CRY2: variants seen among roughly 807,000 people sequenced by gnomAD.
The protein encoded by CRY2 is cryptochrome-2.
Under a neutral mutation model 69.5 loss-of-function variants are expected in CRY2, and 31 were observed. The ratio of observed to expected loss-of-function variants is 0.45; its 90% CI spans 0.34 to 0.60. CRY2 has a LOEUF of 0.60. Ranked by LOEUF, CRY2 falls within the 20% of genes least tolerant of loss-of-function variation. The pLI is 0.02. For synonymous variants in CRY2, 303 were observed against 312.2 expected, an observed-to-expected ratio of 0.97 and a Z score of 0.31; for missense variants, 606 against 797.8, an observed-to-expected ratio of 0.76 and a Z score of 2.90.
chr11:45,849,929 C>G (rs1344311119), intron 1 of CRY2, among the ~76,000 whole-genome samples: 1 of 152,084 alleles, frequency 6.6e-6, no homozygotes, highest in African/African-American at 2.4e-5. Context: ...CAGCCCCTTT[C>G]TCCCAGTTCT....
Position 45,850,530 on chromosome 11 carries a change from A to G in CRY2, c.215+2825A>G, listed in dbSNP as rs116430651. Among the ~76,000 whole-genome samples the G allele has an allele frequency of 5.9e-3, 894 of 152,036 alleles. 13 individuals carry two copies. The highest frequency in any genetic ancestry group is 0.021 in the African/African-American group (869 of 41,434). On this transcript the variant is annotated intron_variant, in intron 1 of 11. Transcript: ENST00000616080. ...AAACAGACACACTCCTACCACCTCC[A>G]CCATTCTGCTTGCTTCCTGGATCAG...
upstream of CRY2, chr11:45,847,286 G>A (rs1291311125): frequency 6.6e-7 from 1 of 1,512,306 alleles, no homozygotes; most frequent in Non-Finnish European, 8.9e-7. Flanking sequence ...CACATGGTAG[G>A]AACGTGAGGG....
chr11:45,871,775 C>G (rs908681299), intron 10 of CRY2, among the ~76,000 whole-genome samples: 1 of 152,214 alleles, frequency 6.6e-6, no homozygotes, highest in Non-Finnish European at 1.5e-5. Context: ...GAGGCTGATT[C>G]AGGGTTGCAG....
chr11:45,853,924 A>G (rs970228366), intron 1 of CRY2, among the ~76,000 whole-genome samples: 1 of 152,250 alleles, frequency 6.6e-6, no homozygotes, highest in African/African-American at 2.4e-5. Context: ...CTTCCATCCC[A>G]ACCTCTCAGA....
intron 6 of CRY2, 67 bp downstream of exon 6, chr11:45,867,819 C>T (rs1263773006): frequency 6.2e-7 from 1 of 1,603,470 alleles, no homozygotes; most frequent in South Asian, 1.1e-5. Flanking sequence ...GCTTGTCAGT[C>T]ACCCTAAAAA....
At position 45,880,963 on chromosome 11, in the gene CRY2, C is replaced by G. The variant is rs897655647; in HGVS notation, c.*52C>G. 6.6e-6 allele frequency: 1 copy of G among 152,366 alleles called. No homozygotes were observed. Among genetic ancestry groups the G allele is most frequent in the Non-Finnish European group, 1.5e-5 (1 of 68,150 alleles). 9.4% of individuals were successfully genotyped at this position (152,366 alleles called of 1,614,324 possible). On this transcript the variant is annotated 3_prime_UTR_variant, in exon 12 of 12. Coordinates refer to ENST00000616080, the MANE Select transcript of CRY2 (RefSeq NM_021117.5). ...AAAGCCTGGGTGCCCAAGCAGCCAC[C>G]GCAGCAGCAGAGTACAACCTGCAGA...
rs1181298363 is a variant in CRY2 at position 45,867,683 on chromosome 11, C to T, written c.813C>T (p.Ser271=). 1 of 1,614,206 alleles carries T rather than the reference C, an allele frequency of 6.2e-7. No individual in the cohort carries two copies. Residue 271 remains serine, a synonymous_variant, in exon 6 of 12, where the codon AGC becomes AGT. Coordinates refer to ENST00000616080, the MANE Select transcript of CRY2 (RefSeq NM_021117.5). The stretch of plus-strand genomic sequence containing the variant: ...TCCTGGCCAGCCCCACAGGCCTCAG[C>T]CCCTACCTGCGCTTTGGTTGTCTCT... The part of the protein sequence containing the change: ...NSLLASPTGL[S]PYLRFGCLSC...
In CRY2 at chr11:45,867,835, C is replaced by T. The variant is rs2086343758; in HGVS notation, c.882+83C>T. On this transcript the variant is annotated intron_variant, in intron 6 of 11. Coordinates refer to ENST00000616080, the MANE Select transcript of CRY2 (RefSeq NM_021117.5). ...CTTGTCAGTCACCCTAAAAAAGGCA[C>T]TGGTGGGTGGGGGTTGGGCTATGGC... 3.8e-6 allele frequency: 6 copies of T among 1,582,504 alleles called. No individual in the cohort carries two copies. In the South Asian group the frequency reaches 5.6e-5, roughly 15 times the overall value.
intron 3 of CRY2, among the ~76,000 whole-genome samples, chr11:45,860,221 T>A (rs913766660): frequency 6.6e-6 from 1 of 152,120 alleles, no homozygotes; most frequent in Admixed American, 6.5e-5. Flanking sequence ...ACTACAAGAC[T>A]CTCTTTAAGT....
rs2086282360 is a variant in CRY2 at position 45,860,898 on chromosome 11, A to T, written c.518A>T (p.Gln173Leu). ...CCACCCCTTACATACAAGCGCTTTC[A>T]GGCCATCATCAGCCGCATGGAGCTG... is the stretch of plus-strand genomic sequence containing the variant. ...QKPPLTYKRF[Q>L]AIISRMELPK... is the part of the protein sequence containing the mutation. The change falls in exon 4 of 12, where the codon CAG becomes CTG. Residue 173 changes from glutamine to leucine, a missense_variant. Gln to Leu is a moderately radical substitution (Grantham distance 113). Coordinates refer to ENST00000616080, the MANE Select transcript of CRY2 (RefSeq NM_021117.5). 1 of 1,614,166 alleles carries T rather than the reference A, an allele frequency of 6.2e-7. No homozygotes were observed. The highest frequency in any genetic ancestry group is 2.2e-5 in the East Asian group (1 of 44,878).
rs2086388670 is a variant in CRY2 at position 45,872,158 on chromosome 11, CTGG to C, written c.1712_1714del (p.Gly571del). On this transcript the variant is annotated inframe_deletion, in exon 11 of 12. Coordinates refer to ENST00000616080, the MANE Select transcript of CRY2 (RefSeq NM_021117.5). ...AAGCTGGAAGCAGCCGAGGAACCAC[CTGG>C]TGAAGAACTCAGCAAACGGGCCCGG... The C allele has an allele frequency of 6.2e-7, 1 of 1,614,090 alleles. No homozygotes were observed. Among genetic ancestry groups the C allele is most frequent in the African/African-American group, 1.3e-5 (1 of 74,930 alleles).
chr11:45,847,613 G>A lies in CRY2; in HGVS notation c.123G>A (p.Leu41=), dbSNP rs753955919. 6 of 1,605,308 alleles carry A rather than the reference G, an allele frequency of 3.7e-6. No individual in the cohort carries two copies. In the East Asian group the frequency reaches 1.3e-4, roughly 36 times the overall value. The part of the protein sequence containing the change: ...GLRLHDNPAL[L]AAVRGARCVR... ...GACTCCACGACAACCCGGCGTTGCTGGCGGCCGTGCGCGGGGCGCGCTGCG... is the reference window on the plus strand; with the variant it reads ...GACTCCACGACAACCCGGCGTTGCTAGCGGCCGTGCGCGGGGCGCGCTGCG... Residue 41 remains leucine (L), a synonymous_variant, in exon 1 of 12, where the codon CTG becomes CTA. Coordinates refer to ENST00000616080, the MANE Select transcript of CRY2 (RefSeq NM_021117.5).
intron 1 of CRY2, among the ~76,000 whole-genome samples, chr11:45,848,231 G>C (rs1306239410): frequency 7.9e-5 from 12 of 152,174 alleles, no homozygotes; most frequent in African/African-American, 2.9e-4. Context: ...AGACCGTCCT[G>C]CCTCTAGGGG....
intron 1 of CRY2, among the ~76,000 whole-genome samples, chr11:45,855,424 G>A (rs990177486): frequency 3.9e-5 from 6 of 152,154 alleles, no homozygotes; most frequent in African/African-American, 1.4e-4. Flanking sequence ...GTGGCAGTCT[G>A]GTCCTCTGCT....
chr11:45,852,703 T>C (rs1590761232), intron 1 of CRY2, among the ~76,000 whole-genome samples: 1 of 152,164 alleles, frequency 6.6e-6, no homozygotes, highest in African/African-American at 2.4e-5. Flanking sequence ...AGAGAGAAAG[T>C]TTAGTACAAA....
Position 45,855,989 on chromosome 11 carries a change from C to G in CRY2, c.223C>G (p.Leu75Val). 6.2e-7 allele frequency: 1 copy of G among 1,614,018 alleles called. No individual in the cohort carries two copies. The highest frequency in any genetic ancestry group is 1.3e-5 in the African/African-American group (1 of 75,060). Residue 75 changes from leucine to valine, a missense_variant, in exon 2 of 12, where the codon CTT becomes GTT. Around this residue, in one of 5 missense-constraint regions of CRY2, gnomAD observed 382 missense variants for 508.9 expected, o/e 0.75. Transcript: ENST00000616080. ...CCTGTGTGGACTCCACAGGTTCCTA[C>G]TTCAGTCTCTGGAAGATTTGGACAC... ...SVGINRWRFL[L>V]QSLEDLDTSL...
chr11:45,847,786 C>T, intron 1 of CRY2, 81 bp downstream of exon 1: 1 of 1,444,856 alleles, frequency 6.9e-7, no homozygotes, highest in Non-Finnish European at 9.2e-7. Flanking sequence ...ACGATCCCCC[C>T]AACCCCGCCA....
chr11:45,862,039 G>C lies in CRY2; in HGVS notation c.653-21G>C, dbSNP rs1565059198. On this transcript the variant is annotated intron_variant, in intron 4 of 11. Coordinates refer to ENST00000616080, the MANE Select transcript of CRY2 (RefSeq NM_021117.5). ...CTGAAATGGTCAAACCTCCTGTCTT[G>C]TGACCTTTCCTTCTCTTCAGGGTTC... The C allele has an allele frequency of 4.4e-6, 7 of 1,607,542 alleles. No homozygotes were observed. The South Asian group carries it at 7.8e-5, about 18-fold the overall frequency.
At chr11:45,877,305 A>G (rs182095308) in intron 11 of CRY2, among the ~76,000 whole-genome samples, 3 of 152,332 alleles carry the variant, frequency 2.0e-5, no homozygotes, top group East Asian at 3.9e-4. Context: ...CTTGCCCAAT[A>G]TGATGGGGAG....
Sources: allele counts gnomAD v4.1 joint callset (sites outside exome capture counted in the v4.1 genomes callset), GRCh38; gene constraint gnomAD v4.1.1; regional missense constraint gnomAD v4.1.1; transcripts MANE v1.5; gene names NCBI Gene and HGNC (gene_info 2026-07-23, HGNC 2026-07-21).